FAM53B: variants seen among roughly 807,000 people sequenced by gnomAD.
FAM53B encodes family with sequence similarity 53 member B.
FAM53B carries 12 observed loss-of-function variants against 32.7 expected under a neutral mutation model. The observed-to-expected ratio is 0.37, with a 90% CI of 0.24 to 0.59. FAM53B has a LOEUF of 0.59. Ranked by LOEUF, FAM53B falls within the 20% of genes least tolerant of loss-of-function variation. The probability of loss-of-function intolerance (pLI) is 0.72; values close to 1 mark genes in which losing one functional copy is unlikely to be tolerated. For missense variants in FAM53B, 477 were observed against 577.7 expected, an observed-to-expected ratio of 0.83 and a Z score of 1.79; for synonymous variants, 234 against 228.7, an observed-to-expected ratio of 1.02 and a Z score of -0.21.
At chr10:124,641,841 A>G (rs1042315737) in intron 4 of FAM53B, among the ~76,000 whole-genome samples, 28 of 152,132 alleles carry the variant, frequency 1.8e-4, no homozygotes, top group Admixed American at 1.6e-3. Flanking sequence ...GATCCTAACT[A>G]TGTGCTGGGC....
At chr10:124,635,680 A>C (rs1054464001) in intron 4 of FAM53B, among the ~76,000 whole-genome samples, 1 of 152,196 alleles carries the variant, frequency 6.6e-6, no homozygotes, top group Admixed American at 6.5e-5. Context: ...CGTGTGACCA[A>C]GCAATCCCAA....
chr10:124,684,494 G>C (rs1248193778), intron 3 of FAM53B, among the ~76,000 whole-genome samples: 2 of 152,138 alleles, frequency 1.3e-5, no homozygotes, highest in Non-Finnish European at 2.9e-5. Context: ...GTCAGCAGTT[G>C]AAAGTCCAAT....
intron 4 of FAM53B, among the ~76,000 whole-genome samples, chr10:124,652,778 G>C (rs1017638905): frequency 6.6e-6 from 1 of 152,152 alleles, no homozygotes; most frequent in Admixed American, 6.5e-5. Context: ...CAATATGGAA[G>C]GTAGCAAGAG....
At chr10:124,691,835 G>A (rs571660613) in intron 3 of FAM53B, among the ~76,000 whole-genome samples, 28 of 152,168 alleles carry the variant, frequency 1.8e-4, no homozygotes, top group Admixed American at 2.6e-4. Flanking sequence ...GAGAGTCCAC[G>A]CGTGGCCCCG....
intron 4 of FAM53B, among the ~76,000 whole-genome samples, chr10:124,681,088 A>G (rs1246051463): frequency 6.6e-6 from 1 of 152,226 alleles, no homozygotes; most frequent in Non-Finnish European, 1.5e-5. Context: ...AGCTCAGAGG[A>G]TATTGATCAC....
At chr10:124,646,869 A>G (rs1356201812) in intron 4 of FAM53B, among the ~76,000 whole-genome samples, 3 of 152,264 alleles carry the variant, frequency 2.0e-5, no homozygotes, top group Admixed American at 2.0e-4. Context: ...AAGGCAAGCA[A>G]ACAGGCAAAT....
At chr10:124,742,521 C>T (rs1367295678) in intron 1 of FAM53B, 1 of 152,194 alleles carries the variant, frequency 6.6e-6, no homozygotes, top group African/African-American at 2.4e-5. Context: ...ATCTCCCTGC[C>T]AGCCGGTGGG....
chr10:124,676,466 C>A (rs1277488184), intron 4 of FAM53B, among the ~76,000 whole-genome samples: 1 of 152,168 alleles, frequency 6.6e-6, no homozygotes, highest in Non-Finnish European at 1.5e-5. Flanking sequence ...GCCTGCCGCA[C>A]AGGAACTTGG....
At chr10:124,676,224 G>A (rs561978898) in intron 4 of FAM53B, among the ~76,000 whole-genome samples, 1 of 152,312 alleles carries the variant, frequency 6.6e-6, no homozygotes, top group South Asian at 2.1e-4. Flanking sequence ...TCATTGCAAT[G>A]GGCTTTCTAG....
chr10:124,638,810 T>C (rs1949451423), intron 4 of FAM53B, among the ~76,000 whole-genome samples: 2 of 152,242 alleles, frequency 1.3e-5, no homozygotes, highest in South Asian at 4.1e-4. Flanking sequence ...GCAGGGCAGC[T>C]GGCCATGGAC....
At chr10:124,690,330 C>G (rs192380692) in intron 3 of FAM53B, among the ~76,000 whole-genome samples, 2 of 152,214 alleles carry the variant, frequency 1.3e-5, no homozygotes, top group African/African-American at 4.8e-5. Context: ...GGCTTCAGAA[C>G]GATGTCACAT....
Position 124,681,679 on chromosome 10 carries a change from G to A in FAM53B, c.834C>T (p.Val278=), listed in dbSNP as rs138940439. The A allele has an allele frequency of 9.2e-5, 149 of 1,612,608 alleles. No homozygotes were observed. In the African/African-American group the frequency reaches 1.3e-3, roughly 14 times the overall value. ...CTTCAGGGCGCCGCCTTTTAACACC[G>A]ACCTTCTTGTCGTTAAGGACACACG... ...SQPCVLNDKK[V]GVKRRRPEEV... is the part of the protein sequence containing the mutation. Residue 278 remains valine (V), a synonymous_variant, in exon 4 of 5, where the codon GTC becomes GTT. Coordinates refer to ENST00000337318, the MANE Select transcript of FAM53B (RefSeq NM_014661.4).
intron 2 of FAM53B, among the ~76,000 whole-genome samples, chr10:124,697,103 C>G (rs144247700): frequency 1.3e-5 from 2 of 152,132 alleles, no homozygotes; most frequent in Non-Finnish European, 2.9e-5. Context: ...TGAGCAGAGA[C>G]TACCCAGCCA....
intron 4 of FAM53B, among the ~76,000 whole-genome samples, chr10:124,676,208 T>C (rs1443744150): frequency 1.3e-5 from 2 of 152,224 alleles, no homozygotes; most frequent in Non-Finnish European, 1.5e-5. Flanking sequence ...GTATTTAGCA[T>C]TTCTTTCATT....
At chr10:124,712,719 T>C (rs1405059641) in intron 1 of FAM53B, among the ~76,000 whole-genome samples, 1 of 152,180 alleles carries the variant, frequency 6.6e-6, no homozygotes, top group Non-Finnish European at 1.5e-5. Context: ...AAAGGAGGGC[T>C]AGGTGAGGGT....
chr10:124,708,810 A>G (rs1033149211), intron 1 of FAM53B, among the ~76,000 whole-genome samples: 13 of 152,122 alleles, frequency 8.5e-5, no homozygotes, highest in Non-Finnish European at 4.4e-5. Context: ...CTCCTCCCCC[A>G]TTTCCAGCCT....
At chr10:124,646,211 T>C (rs919203094) in intron 4 of FAM53B, among the ~76,000 whole-genome samples, 2 of 152,220 alleles carry the variant, frequency 1.3e-5, no homozygotes, top group Non-Finnish European at 2.9e-5. Flanking sequence ...ACAAGCCCCA[T>C]GTCACTCCAC....
intron 4 of FAM53B, among the ~76,000 whole-genome samples, chr10:124,656,680 G>A (rs554198793): frequency 4.6e-5 from 7 of 152,292 alleles, no homozygotes; most frequent in African/African-American, 1.7e-4. Flanking sequence ...GTGATGTGCT[G>A]CCCTCCCACT....
chr10:124,668,794 C>T (rs1949689813), intron 4 of FAM53B, among the ~76,000 whole-genome samples: 1 of 152,258 alleles, frequency 6.6e-6, no homozygotes, highest in Non-Finnish European at 1.5e-5. Context: ...ACGGCACAGC[C>T]ACCGTTACAG....
Sources: allele counts gnomAD v4.1 joint callset (sites outside exome capture counted in the v4.1 genomes callset), GRCh38; gene constraint gnomAD v4.1.1; transcripts MANE v1.5; gene names NCBI Gene and HGNC (gene_info 2026-07-23, HGNC 2026-07-21).